Variants in ROR2 observed in about 807,000 individuals in gnomAD.
The protein encoded by ROR2 is tyrosine-protein kinase transmembrane receptor ROR2.
A neutral mutation model predicts 74.9 loss-of-function variants in ROR2; 33 were observed. That is an observed-to-expected ratio of 0.44 (90% CI 0.33 to 0.59). The LOEUF (loss-of-function observed/expected upper bound fraction) is 0.59, where lower values mean the gene tolerates loss of function less well. ROR2 is among the 20% of genes least tolerant of loss of function. The probability of loss-of-function intolerance (pLI) is 0.02; values close to 1 mark genes in which losing one functional copy is unlikely to be tolerated. For synonymous variants in ROR2, 586 were observed against 558.7 expected, an observed-to-expected ratio of 1.05 and a Z score of -0.69; for missense variants, 1,216 against 1,313.8, an observed-to-expected ratio of 0.93 and a Z score of 1.15.
chr9:91,780,000 G>C (rs1157991381), intron 1 of ROR2, among the ~76,000 whole-genome samples: 2 of 152,222 alleles, frequency 1.3e-5, no homozygotes, highest in Non-Finnish European at 2.9e-5. Context: ...TGGCCAAAGT[G>C]AAAGGGTTCA....
At chr9:91,885,146 C>A (rs1000889913) in intron 1 of ROR2, among the ~76,000 whole-genome samples, 2 of 152,198 alleles carry the variant, frequency 1.3e-5, no homozygotes, top group Non-Finnish European at 2.9e-5. Context: ...AAGGCATGAG[C>A]CTCTGCATCC....
chr9:91,941,100 C>A (rs1214907657), intron 1 of ROR2, among the ~76,000 whole-genome samples: 1 of 151,086 alleles, frequency 6.6e-6, no homozygotes, highest in Non-Finnish European at 1.5e-5. Context: ...TGGGTTCACA[C>A]CATTCTCCTG....
chr9:91,786,219 C>A (rs184798128), intron 1 of ROR2, among the ~76,000 whole-genome samples: 29 of 145,410 alleles, frequency 2.0e-4, no homozygotes, highest in African/African-American at 6.9e-4. Flanking sequence ...CCCTGACACT[C>A]CACAGACTGA....
At chr9:91,783,649 T>C (rs1826699474) in intron 1 of ROR2, among the ~76,000 whole-genome samples, 1 of 152,182 alleles carries the variant, frequency 6.6e-6, no homozygotes, top group African/African-American at 2.4e-5. Flanking sequence ...CAAATGAGCT[T>C]TTCAGCTCTT....
Position 91,726,751 on chromosome 9 carries a change from CA to C in ROR2, c.1184-9del. The C allele has an allele frequency of 6.2e-7, 1 of 1,613,744 alleles. No individual in the cohort carries two copies. The highest frequency in any genetic ancestry group is 8.5e-7 in the Non-Finnish European group (1 of 1,179,826). On this transcript the variant is annotated splice_polypyrimidine_tract_variant and intron_variant, in intron 7 of 8. Coordinates refer to ENST00000375708, the MANE Select transcript of ROR2 (RefSeq NM_004560.4). ...TGCTGCTGTCTCGGGGACCTGTGAA[CA>C]ATAAGGCTTTCGTGATTTTTCAGAA...
intron 1 of ROR2, among the ~76,000 whole-genome samples, chr9:91,856,511 C>T (rs904589998): frequency 6.6e-6 from 1 of 152,168 alleles, no homozygotes; most frequent in Non-Finnish European, 1.5e-5. Flanking sequence ...TGAGTGGGCC[C>T]TACCCCAACC....
intron 1 of ROR2, among the ~76,000 whole-genome samples, chr9:91,781,768 T>C (rs1405187851): frequency 6.6e-6 from 1 of 152,260 alleles, no homozygotes; most frequent in African/African-American, 2.4e-5. Flanking sequence ...AACTCTACTT[T>C]GGAAATAGGG....
chr9:91,798,829 C>T (rs530337706), intron 1 of ROR2, among the ~76,000 whole-genome samples: 1 of 152,250 alleles, frequency 6.6e-6, no homozygotes, highest in South Asian at 2.1e-4. Context: ...AAATCCTGTG[C>T]TTTCTATTGT....
intron 1 of ROR2, among the ~76,000 whole-genome samples, chr9:91,941,244 G>A (rs1587863755): frequency 6.7e-6 from 1 of 149,598 alleles, no homozygotes; most frequent in African/African-American, 2.5e-5. Flanking sequence ...TGATCCCCCC[G>A]CCTCAGCCTC....
chr9:91,850,305 C>T (rs149599225), intron 1 of ROR2, among the ~76,000 whole-genome samples: 20 of 152,234 alleles, frequency 1.3e-4, no homozygotes, highest in African/African-American at 4.6e-4. Context: ...AAGGATCCAC[C>T]CAAGATGGCC....
intron 1 of ROR2, among the ~76,000 whole-genome samples, chr9:91,791,207 CT>C (rs968131266): frequency 2.4e-4 from 37 of 152,122 alleles, no homozygotes; most frequent in African/African-American, 8.7e-4. Flanking sequence ...GCATTGAAAT[CT>C]TTTATACTAT....
rs1351451906 is a variant in ROR2, at chr9:91,905,230, A to G, written c.97+44637T>C. On this transcript the variant is annotated intron_variant, in intron 1 of 8. Coordinates refer to ENST00000375708, the MANE Select transcript of ROR2 (RefSeq NM_004560.4). The surrounding 1 kb of genome is among the most constrained non-coding windows in gnomAD (Gnocchi z 5.3). ...ACATATACACCAAACACCACTCAAC[A>G]CAAACACCACATACAACACATACAC... Among the ~76,000 whole-genome samples the G allele has an allele frequency of 6.6e-6, 1 of 151,834 alleles. No individual in the cohort carries two copies.
At chr9:91,756,743 C>CTTTTTTTTTTTTTTTTT (rs557043787) in intron 3 of ROR2, among the ~76,000 whole-genome samples, 1 of 104,066 alleles carries the variant, frequency 9.6e-6, no homozygotes, top group Admixed American at 1.2e-4. Context: ...TTTTTGTTCT[C>CTTTTTTTTTTTTTTTTT]TTTTTTTTTT....
Position 91,863,231 on chromosome 9 carries a change from G to A in ROR2, c.97+86636C>T, listed in dbSNP as rs967227918. On this transcript the variant is annotated intron_variant, in intron 1 of 8. Transcript: ENST00000375708. ...TGTGGAGACAGGGTCTCAGTATGTT[G>A]ACAAGGCTGGTTCTGAACTCCTGGC... 1.1e-4 allele frequency among the ~76,000 whole-genome samples: 16 copies of A among 152,156 alleles called. 2 individuals are homozygous for A.
intron 3 of ROR2, among the ~76,000 whole-genome samples, chr9:91,756,454 G>A (rs1825752933): frequency 6.6e-6 from 1 of 152,182 alleles, no homozygotes; most frequent in Non-Finnish European, 1.5e-5. Context: ...TTCACAGGTG[G>A]GATGAAGGGG....
At chr9:91,945,457 A>G (rs577056333) in intron 1 of ROR2, among the ~76,000 whole-genome samples, 1 of 152,324 alleles carries the variant, frequency 6.6e-6, no homozygotes, top group African/African-American at 2.4e-5. Context: ...CAGCCGCCAC[A>G]TTCTCCTCTG....
In ROR2 at chr9:91,921,634, C is replaced by T. The variant is rs574541938; in HGVS notation, c.97+28233G>A. Among the ~76,000 whole-genome samples, 7 of 152,204 alleles carry T rather than the reference C, an allele frequency of 4.6e-5. No homozygotes were observed. The South Asian group carries it at 6.2e-4, about 14-fold the overall frequency. Reference sequence around the variant, plus strand: ...ATCCCAGCACTTTGGGAGGCCCAGGCGGGTGGATTACTTGAGGTCAGAAGT... The same window carrying T: ...ATCCCAGCACTTTGGGAGGCCCAGGTGGGTGGATTACTTGAGGTCAGAAGT... On this transcript the variant is annotated intron_variant, in intron 1 of 8. Coordinates refer to ENST00000375708, the MANE Select transcript of ROR2 (RefSeq NM_004560.4).
At chr9:91,852,624 A>ACACACACACACACACAC (rs1829133234) in intron 1 of ROR2, among the ~76,000 whole-genome samples, 89 of 123,886 alleles carry the variant, frequency 7.2e-4, no homozygotes, top group East Asian at 6.5e-3. Flanking sequence ...AAAACACACA[A>ACACACACACACACACAC]ACACACACAC....
intron 4 of ROR2, 140 bp downstream of exon 4, chr9:91,755,931 G>A (rs1180070626): frequency 1.2e-5 from 10 of 827,836 alleles, no homozygotes; most frequent in Middle Eastern, 2.2e-4. Flanking sequence ...AAGCAAGCAC[G>A]TGGCCACCCC....
Sources: gnomAD v4.1 joint callset for allele counts (sites outside exome capture counted in the v4.1 genomes callset) on GRCh38, gnomAD v4.1.1 for gene constraint, Gnocchi (gnomAD v3.1) non-coding constraint, MANE v1.5 for transcripts, NCBI Gene and HGNC (gene_info 2026-07-23, HGNC 2026-07-21) for gene names.